Variants in CNTNAP5 observed in about 807,000 individuals in gnomAD.
CNTNAP5 encodes contactin associated protein family member 5, also known as contactin-associated protein-like 5.
In CNTNAP5, 72 loss-of-function variants were observed where a neutral mutation model predicts 150.2. The ratio of observed to expected loss-of-function variants is 0.48; its 90% CI spans 0.40 to 0.58. The LOEUF (loss-of-function observed/expected upper bound fraction) is 0.58, where lower values mean the gene tolerates loss of function less well. Ranked by LOEUF, CNTNAP5 falls within the 20% of genes least tolerant of loss-of-function variation. The pLI is 0.00. For missense variants in CNTNAP5, 1,636 were observed against 1,626.2 expected (o/e 1.01, Z -0.10); for synonymous variants, 672 against 619.8 (o/e 1.08, Z -1.25).
At chr2:124,168,702 G>A (rs1684861896) in intron 1 of CNTNAP5, among the ~76,000 whole-genome samples, 1 of 152,100 alleles carries the variant, frequency 6.6e-6, no homozygotes. Flanking sequence ...ATTAACATAT[G>A]TCATCCGTGA....
chr2:124,271,689 C>CTA lies in CNTNAP5; in HGVS notation c.381+29298_381+29299dup, dbSNP rs755997289. Among the ~76,000 whole-genome samples the CTA allele has an allele frequency of 2.5e-5, 3 of 121,006 alleles. No homozygotes were observed. In the East Asian group the frequency reaches 6.6e-4, roughly 27 times the overall value. The allele number at this position is 121,006 out of a possible 152,430, so 79.4% of individuals were successfully genotyped here. ...TCTATCTATCTATCTATCTATCTAT[C>CTA]TATCTATCTATCATCTATCTATCTA... On this transcript the variant is annotated intron_variant, in intron 3 of 23. Coordinates refer to ENST00000682447, the MANE Select transcript of CNTNAP5 (RefSeq NM_001367498.1).
chr2:124,862,989 C>T (rs536860026), intron 19 of CNTNAP5, among the ~76,000 whole-genome samples: 34 of 152,180 alleles, frequency 2.2e-4, no homozygotes, highest in African/African-American at 8.2e-4. Context: ...CTTCAGAATA[C>T]TTTAGCAGAT....
chr2:124,329,964 G>A (rs1267237689), intron 3 of CNTNAP5, among the ~76,000 whole-genome samples: 1 of 152,114 alleles, frequency 6.6e-6, no homozygotes. Flanking sequence ...ACCAGGCAGT[G>A]GCAATCTCAC....
At chr2:124,591,405 C>G (rs2901332) in intron 11 of CNTNAP5, among the ~76,000 whole-genome samples, 144,965 of 152,178 alleles carry the variant, frequency 0.95, 69,442 homozygotes, top group East Asian at 1. Flanking sequence ...TATTGCCATA[C>G]AATTTTTAAG....
chr2:124,786,434 G>C (rs1243515605), intron 17 of CNTNAP5, among the ~76,000 whole-genome samples: 1 of 100,882 alleles, frequency 9.9e-6, no homozygotes, highest in African/African-American at 5.0e-5. Flanking sequence ...AAGGAAGGAA[G>C]GAAGGAAGGA....
At chr2:124,747,437 T>C in intron 14 of CNTNAP5, 52 bp downstream of exon 14, 1 of 1,595,162 alleles carries the variant, frequency 6.3e-7, no homozygotes, top group Middle Eastern at 1.7e-4. Flanking sequence ...CATTAATTGA[T>C]GCATAAAATT....
At chr2:124,742,586 TTATAGA>T (rs1001583416) in intron 13 of CNTNAP5, among the ~76,000 whole-genome samples, 5 of 150,796 alleles carry the variant, frequency 3.3e-5, no homozygotes, top group African/African-American at 1.2e-4. Flanking sequence ...TTAGGAGGAT[TTATAGA>T]TATAGATATA....
chr2:124,451,981 G>A (rs960675712), intron 6 of CNTNAP5, among the ~76,000 whole-genome samples: 1 of 152,112 alleles, frequency 6.6e-6, no homozygotes, highest in African/African-American at 2.4e-5. Flanking sequence ...AAAGGCCATA[G>A]GGAGAAGGAA....
At chr2:124,633,281 AAAAC>A (rs1431186513) in intron 12 of CNTNAP5, among the ~76,000 whole-genome samples, 2 of 152,246 alleles carry the variant, frequency 1.3e-5, no homozygotes, top group Non-Finnish European at 2.9e-5. Flanking sequence ...TGTAAAATGA[AAAAC>A]AAATTTGTTA....
chr2:124,038,319 C>A (rs914264447), intron 1 of CNTNAP5, among the ~76,000 whole-genome samples: 2 of 152,260 alleles, frequency 1.3e-5, no homozygotes, highest in South Asian at 4.2e-4. Context: ...AGGCCTGCTG[C>A]TTGGCTTGGT....
intron 19 of CNTNAP5, among the ~76,000 whole-genome samples, chr2:124,811,450 G>A (rs918053962): frequency 6.6e-6 from 1 of 152,050 alleles, no homozygotes; most frequent in African/African-American, 2.4e-5. Context: ...AAAGAAAGTT[G>A]TTTACAGTTT....
At chr2:124,859,579 A>G (rs1677465024) in intron 19 of CNTNAP5, among the ~76,000 whole-genome samples, 1 of 152,198 alleles carries the variant, frequency 6.6e-6, no homozygotes, top group Admixed American at 6.5e-5. Context: ...AAAGGATTAT[A>G]AATCATGCTG....
intron 1 of CNTNAP5, among the ~76,000 whole-genome samples, chr2:124,154,526 C>A (rs1249339330): frequency 2.0e-5 from 3 of 152,140 alleles, no homozygotes; most frequent in Non-Finnish European, 4.4e-5. Context: ...TAGAGGGATG[C>A]AGCCAAGGAG....
intron 1 of CNTNAP5, among the ~76,000 whole-genome samples, chr2:124,139,046 G>A (rs1328484757): frequency 1.3e-5 from 2 of 151,848 alleles, no homozygotes; most frequent in Non-Finnish European, 1.5e-5. Flanking sequence ...CCACATCCCT[G>A]CAGCTGTTCA....
intron 2 of CNTNAP5, 65 bp from the exon 3 acceptor site, chr2:124,242,135 T>G: frequency 7.7e-7 from 1 of 1,301,486 alleles, no homozygotes; most frequent in Non-Finnish European, 1.1e-6. Context: ...CCTTTGATAG[T>G]TGAAAATTGT....
rs574196816 is a variant in CNTNAP5 at position 124,399,640 on chromosome 2, T to C, written c.382-17803T>C. ...CAGCCTTAGCTTATTCTCTGGTCAA[T>C]TAAATGTAAAGGATGGCAGAAACTA... On this transcript the variant is annotated intron_variant, in intron 3 of 23. Coordinates refer to ENST00000682447, the MANE Select transcript of CNTNAP5 (RefSeq NM_001367498.1). 5.9e-5 allele frequency among the ~76,000 whole-genome samples: 9 copies of C among 152,158 alleles called. No homozygotes were observed. In the South Asian group the frequency reaches 6.2e-4, roughly 11 times the overall value.
chr2:124,532,306 GC>G (rs533265325), intron 10 of CNTNAP5, among the ~76,000 whole-genome samples: 343 of 152,170 alleles, frequency 2.3e-3, no homozygotes, highest in African/African-American at 8.0e-3. Flanking sequence ...ACATTTATGT[GC>G]CTGATGTAAT....
chr2:124,678,959 AACAC>A (rs952632152), intron 13 of CNTNAP5, among the ~76,000 whole-genome samples: 1 of 151,908 alleles, frequency 6.6e-6, no homozygotes, highest in African/African-American at 2.4e-5. Context: ...GTCAACCACA[AACAC>A]CTTTCATTTC....
At chr2:124,876,080 T>G (rs2104732536) in intron 21 of CNTNAP5, among the ~76,000 whole-genome samples, 1 of 152,210 alleles carries the variant, frequency 6.6e-6, no homozygotes, top group East Asian at 1.9e-4. Flanking sequence ...AAGATTTCAG[T>G]GGTAATGAAG....
Sources: gnomAD v4.1 joint callset for allele counts (sites outside exome capture counted in the v4.1 genomes callset) on GRCh38, gnomAD v4.1.1 for gene constraint, MANE v1.5 for transcripts, NCBI Gene and HGNC (gene_info 2026-07-23, HGNC 2026-07-21) for gene names.